The following EYS variants were observed in gnomAD, a reference collection of about 807,000 sequenced individuals.
EYS encodes EGF-like photoreceptor maintenance factor.
A neutral mutation model predicts 282.1 loss-of-function variants in EYS; 250 were observed. The ratio of observed to expected loss-of-function variants is 0.89; its 90% confidence interval spans 0.80 to 0.98. The LOEUF is 0.98. Among genes scored for constraint, EYS ranks in the 50% least tolerant of loss-of-function variants. The pLI is 0.00. For synonymous variants in EYS, 1,355 were observed against 1,282.9 expected, an observed-to-expected ratio of 1.06 and a Z score of -1.20; for missense variants, 4,016 against 3,709.0, an observed-to-expected ratio of 1.08 and a Z score of -2.15.
chr6:65,425,087 G>C (rs1193601472), intron 5 of EYS, among the ~76,000 whole-genome samples: 1 of 152,016 alleles, frequency 6.6e-6, no homozygotes, highest in African/African-American at 2.4e-5. Flanking sequence ...TTGGTCAGCT[G>C]AAAAGCCTTT....
chr6:65,411,623 C>G (rs1326305723), intron 5 of EYS, among the ~76,000 whole-genome samples: 2 of 151,928 alleles, frequency 1.3e-5, no homozygotes, highest in East Asian at 3.9e-4. Context: ...TATAATCTTA[C>G]CCACTTCTCT....
chr6:64,321,986 T>TC (rs1220771124), intron 29 of EYS, among the ~76,000 whole-genome samples: 1 of 151,998 alleles, frequency 6.6e-6, no homozygotes, highest in Non-Finnish European at 1.5e-5. Context: ...TTTATGTGGT[T>TC]CAAGTGGACA....
intron 29 of EYS, among the ~76,000 whole-genome samples, chr6:64,324,071 C>T (rs1770317615): frequency 6.6e-6 from 1 of 151,498 alleles, no homozygotes; most frequent in African/African-American, 2.4e-5. Flanking sequence ...ATGGTCAGTC[C>T]AGCTACAAAC....
intron 26 of EYS, among the ~76,000 whole-genome samples, chr6:64,521,054 G>GA (rs1777718503): frequency 6.6e-6 from 1 of 151,786 alleles, no homozygotes; most frequent in African/African-American, 2.4e-5. Context: ...TTTATTGACA[G>GA]AAAACGAAGT....
intron 12 of EYS, among the ~76,000 whole-genome samples, chr6:65,257,795 A>T (rs1238883752): frequency 2.0e-5 from 3 of 152,050 alleles, no homozygotes; most frequent in Non-Finnish European, 2.9e-5. Context: ...TAAAAATGAA[A>T]ACAATTGAAT....
chr6:64,386,805 A>C (rs958481516), intron 29 of EYS, among the ~76,000 whole-genome samples: 1 of 152,096 alleles, frequency 6.6e-6, no homozygotes, highest in African/African-American at 2.4e-5. Flanking sequence ...TATTGCCAAA[A>C]TACCTTTTTT....
chr6:65,402,347 A>G, intron 7 of EYS, 131 bp downstream of exon 7: 1 of 539,774 alleles, frequency 1.9e-6, no homozygotes, highest in Non-Finnish European at 3.2e-6. Flanking sequence ...AATTTACTTT[A>G]ACTTCAAATA....
chr6:64,941,508 G>T (rs1484797911), intron 15 of EYS, among the ~76,000 whole-genome samples: 4 of 152,012 alleles, frequency 2.6e-5, no homozygotes, highest in Non-Finnish European at 5.9e-5. Context: ...ACTGTTACAT[G>T]GATATACTGC....
intron 1 of EYS, among the ~76,000 whole-genome samples, chr6:65,693,484 A>G (rs1350743649): frequency 6.7e-6 from 1 of 148,186 alleles, no homozygotes; most frequent in Non-Finnish European, 1.5e-5. Flanking sequence ...AATGCAAGAG[A>G]AAGAAAGATG....
In EYS at chr6:65,490,720, A is replaced by G. The variant is rs748752756; in HGVS notation, c.749-13T>C. On this transcript the variant is annotated splice_polypyrimidine_tract_variant and intron_variant, in intron 4 of 42. Coordinates refer to ENST00000503581, the MANE Select transcript of EYS (RefSeq NM_001142800.2). ...GAGCAATTCTTTCCTATAACAATGA[A>G]AAAAAGTTTTTTTTACATTGGATAT... 4 of 1,571,980 alleles carry G rather than the reference A, an allele frequency of 2.5e-6. No homozygotes were observed. Among genetic ancestry groups the G allele is most frequent in the Non-Finnish European group, 3.5e-6 (4 of 1,142,818 alleles).
intron 11 of EYS, among the ~76,000 whole-genome samples, chr6:65,332,950 T>C (rs927112547): frequency 2.0e-5 from 3 of 151,406 alleles, no homozygotes; most frequent in Non-Finnish European, 3.0e-5. Context: ...ATTATTTTTC[T>C]TTCTGTAATT....
chr6:64,328,094 A>T (rs941453899), intron 29 of EYS, among the ~76,000 whole-genome samples: 7 of 152,188 alleles, frequency 4.6e-5, no homozygotes, highest in Non-Finnish European at 8.8e-5. Flanking sequence ...TCTACTACTG[A>T]TCTCTTAAAT....
intron 19 of EYS, among the ~76,000 whole-genome samples, chr6:64,832,236 C>T (rs1405115278): frequency 2.0e-5 from 3 of 151,850 alleles, no homozygotes; most frequent in African/African-American, 7.2e-5. Flanking sequence ...AACATTAATA[C>T]TAATACAATC....
At chr6:64,014,229 A>G (rs182617420) in intron 33 of EYS, among the ~76,000 whole-genome samples, 69 of 152,214 alleles carry the variant, frequency 4.5e-4, no homozygotes, top group Non-Finnish European at 6.5e-4. Flanking sequence ...AGTAATTCAG[A>G]TGATATTGGT....
At chr6:65,330,539 A>C (rs1769757062) in intron 11 of EYS, 1 of 984,224 alleles carries the variant, frequency 1.0e-6, no homozygotes, top group South Asian at 4.7e-5. Context: ...TCAGGGCAAA[A>C]AAATGTGGTA....
intron 5 of EYS, among the ~76,000 whole-genome samples, chr6:65,469,280 C>CA (rs1765121381): frequency 6.6e-6 from 1 of 151,920 alleles, no homozygotes; most frequent in Admixed American, 6.6e-5. Context: ...AGTATGGTAA[C>CA]AACCAATTTT....
At chr6:64,834,136 C>G (rs1765308925) in intron 19 of EYS, among the ~76,000 whole-genome samples, 1 of 151,792 alleles carries the variant, frequency 6.6e-6, no homozygotes, top group Non-Finnish European at 1.5e-5. Context: ...ACCCAGCAGT[C>G]ACTAAGATCA....
chr6:63,774,970 T>A (rs1770029398), intron 40 of EYS, among the ~76,000 whole-genome samples: 1 of 152,146 alleles, frequency 6.6e-6, no homozygotes, highest in African/African-American at 2.4e-5. Context: ...ATTTTTTGTT[T>A]TTCACTTAAA....
intron 33 of EYS, among the ~76,000 whole-genome samples, chr6:64,005,779 G>A (rs1184863995): frequency 6.6e-6 from 1 of 151,922 alleles, no homozygotes; most frequent in African/African-American, 2.4e-5. Flanking sequence ...ATAGTTGTAG[G>A]TGTATGGCAT....
Sources: gnomAD v4.1 joint callset for allele counts (sites outside exome capture counted in the v4.1 genomes callset) on GRCh38, gnomAD v4.1.1 for gene constraint, MANE v1.5 for transcripts, NCBI Gene and HGNC (gene_info 2026-07-23, HGNC 2026-07-21) for gene names.